The following CLVS2 variants were observed in gnomAD, a reference collection of about 807,000 sequenced individuals.
CLVS2 encodes the protein clavesin 2.
In CLVS2, 19 loss-of-function variants were observed where a neutral mutation model predicts 29.0. The observed-to-expected ratio is 0.66, with a 90% CI of 0.46 to 0.96. CLVS2 has a LOEUF of 0.96. Among genes scored for constraint, CLVS2 ranks in the 40% least tolerant of loss-of-function variants. The probability of loss-of-function intolerance (pLI) is 0.00; values close to 1 mark genes in which losing one functional copy is unlikely to be tolerated. For synonymous variants in CLVS2, 161 were observed against 151.3 expected (o/e 1.06, Z -0.47); for missense variants, 294 against 404.1 (o/e 0.73, Z 2.34).
At chr6:123,011,211 T>C (rs534311192) in intron 3 of CLVS2, 52 bp downstream of exon 3, 6 of 1,309,708 alleles carry the variant, frequency 4.6e-6, no homozygotes, top group East Asian at 2.6e-5. Flanking sequence ...TGACTTCTCT[T>C]GTCTAATGTG....
chr6:122,996,900 C>A (rs1582638945), intron 1 of CLVS2, among the ~76,000 whole-genome samples, 154 bp downstream of exon 1: 1 of 152,282 alleles, frequency 6.6e-6, no homozygotes, highest in East Asian at 1.9e-4. Context: ...TCCCCCTCCC[C>A]CCTTTTCTCC....
rs1774538591 is a variant in CLVS2 at position 122,998,101 on chromosome 6, G to A, written c.324G>A (p.Leu108=). Reference sequence around the variant, plus strand: ...TGAAGGATGGCTTCCCTGGGGGCCTGGCCAATCTGGACCACTATGGCAGGA... The same window carrying A: ...TGAAGGATGGCTTCCCTGGGGGCCTAGCCAATCTGGACCACTATGGCAGGA... ...QALKDGFPGG[L]ANLDHYGRKI... is the part of the protein sequence containing the mutation. Residue 108 remains leucine (L), a synonymous_variant, in exon 2 of 6, where the codon CTG becomes CTA. Coordinates refer to ENST00000275162, the MANE Select transcript of CLVS2 (RefSeq NM_001010852.4). 7 of 1,614,078 alleles carry A rather than the reference G, an allele frequency of 4.3e-6. No individual in the cohort carries two copies. Among genetic ancestry groups the A allele is most frequent in the Non-Finnish European group, 4.2e-6 (5 of 1,180,028 alleles).
At chr6:123,030,541 A>T (rs1775068454) in intron 3 of CLVS2, among the ~76,000 whole-genome samples, 1 of 152,148 alleles carries the variant, frequency 6.6e-6, no homozygotes, top group South Asian at 2.1e-4. Context: ...ATCTTCAGTA[A>T]TATTTTCTCC....
At chr6:122,998,376 C>G (rs1259538473) in intron 2 of CLVS2, among the ~76,000 whole-genome samples, 1 of 152,150 alleles carries the variant, frequency 6.6e-6, no homozygotes, top group African/African-American at 2.4e-5. Flanking sequence ...CACTAACACC[C>G]ACTTTCTACT....
intron 2 of CLVS2, among the ~76,000 whole-genome samples, chr6:123,010,146 T>C (rs1264091439): frequency 2.6e-5 from 4 of 152,088 alleles, no homozygotes; most frequent in Non-Finnish European, 5.9e-5. Context: ...AGTCCTCACA[T>C]TGTCACAGTA....
chr6:123,004,843 G>A (rs1425813611), intron 2 of CLVS2, among the ~76,000 whole-genome samples: 1 of 152,078 alleles, frequency 6.6e-6, no homozygotes, highest in Non-Finnish European at 1.5e-5. Context: ...AACCCAGGAG[G>A]TGGAGGTTTC....
At chr6:123,025,534 G>C (rs1774988879) in intron 3 of CLVS2, among the ~76,000 whole-genome samples, 1 of 152,128 alleles carries the variant, frequency 6.6e-6, no homozygotes, top group South Asian at 2.1e-4. Context: ...GTAATGGATA[G>C]TGCGGTGTGC....
intron 3 of CLVS2, among the ~76,000 whole-genome samples, chr6:123,038,244 C>G (rs1009940382): frequency 5.9e-5 from 9 of 152,266 alleles, no homozygotes; most frequent in African/African-American, 2.2e-4. Flanking sequence ...CTCATTCTTT[C>G]TCTTCTTTAA....
intron 1 of CLVS2, 110 bp downstream of exon 1, chr6:122,996,856 T>C (rs1157768891): frequency 2.6e-5 from 4 of 154,520 alleles, no homozygotes; most frequent in African/African-American, 4.8e-5. Flanking sequence ...GTTTTTGAAA[T>C]GTGCATTCCC....
chr6:123,006,613 G>A (rs908365408), intron 2 of CLVS2, among the ~76,000 whole-genome samples: 39 of 152,092 alleles, frequency 2.6e-4, no homozygotes, highest in Admixed American at 2.5e-3. Context: ...GAGGGAGAAG[G>A]AAAGGGAATA....
intron 3 of CLVS2, among the ~76,000 whole-genome samples, chr6:123,044,630 A>G (rs981715973): frequency 2.6e-5 from 4 of 152,160 alleles, no homozygotes; most frequent in Non-Finnish European, 4.4e-5. Flanking sequence ...GAGGGTCTAG[A>G]AGAACAGTCA....
At chr6:123,021,398 T>A (rs986011909) in intron 3 of CLVS2, among the ~76,000 whole-genome samples, 12 of 152,036 alleles carry the variant, frequency 7.9e-5, no homozygotes, top group African/African-American at 2.9e-4. Flanking sequence ...TCTTTTTATG[T>A]GTCCACCAGA....
intron 3 of CLVS2, among the ~76,000 whole-genome samples, chr6:123,027,486 A>G (rs528330538): frequency 6.6e-6 from 1 of 152,208 alleles, no homozygotes; most frequent in African/African-American, 2.4e-5. Context: ...TTCCATCCTC[A>G]TTTAAATCTG....
chr6:123,032,812 C>T (rs147448973), intron 3 of CLVS2, among the ~76,000 whole-genome samples: 162 of 152,190 alleles, frequency 1.1e-3, no homozygotes, highest in Non-Finnish European at 1.8e-3. Flanking sequence ...TGATCAACAA[C>T]AGCTTGATTA....
chr6:123,022,610 C>T (rs948223646), intron 3 of CLVS2, among the ~76,000 whole-genome samples: 1 of 151,934 alleles, frequency 6.6e-6, no homozygotes, highest in Non-Finnish European at 1.5e-5. Context: ...TTTTTCCCCC[C>T]CCAGGGTAAA....
chr6:123,012,271 A>G (rs1562164140), intron 3 of CLVS2, among the ~76,000 whole-genome samples: 1 of 151,994 alleles, frequency 6.6e-6, no homozygotes, highest in African/African-American at 2.4e-5. Context: ...TGTGTATATC[A>G]TATAGAATCA....
chr6:123,011,229 G>GA (rs1774744392), intron 3 of CLVS2, 70 bp downstream of exon 3: 1 of 1,186,118 alleles, frequency 8.4e-7, no homozygotes, highest in Non-Finnish European at 1.1e-6. Flanking sequence ...GTGTTAGAAT[G>GA]AAAAAATGTC....
At chr6:123,015,874 A>C (rs1774824325) in intron 3 of CLVS2, among the ~76,000 whole-genome samples, 1 of 152,012 alleles carries the variant, frequency 6.6e-6, no homozygotes, top group East Asian at 1.9e-4. Context: ...TATAACAACA[A>C]AGTGATAAGC....
At position 123,065,890 on chromosome 6, in the gene CLVS2, T is replaced by C. The variant is rs1772847414; in HGVS notation, c.*2129T>C. The C allele has an allele frequency of 6.6e-6, 1 of 151,708 alleles. No homozygotes were observed. The highest frequency in any genetic ancestry group is 1.5e-5 in the Non-Finnish European group (1 of 67,734). 9.4% of individuals were successfully genotyped at this position (151,708 alleles called of 1,614,324 possible). A position where few individuals can be genotyped will look rare whatever the true frequency, so the allele number is the denominator to read the frequency against. The stretch of plus-strand genomic sequence containing the variant: ...TCTTTCCCCTATCGTAAAGTTAGTG[T>C]CATATATAAAAATAACTAGAAAGGC... On this transcript the variant is annotated 3_prime_UTR_variant, in exon 6 of 6. Transcript: ENST00000275162.
Sources: allele counts gnomAD v4.1 joint callset (sites outside exome capture counted in the v4.1 genomes callset), GRCh38; gene constraint gnomAD v4.1.1; transcripts MANE v1.5; gene names NCBI Gene and HGNC (gene_info 2026-07-23, HGNC 2026-07-21).